EYS: variants seen among roughly 807,000 people sequenced by gnomAD.
EYS encodes the protein EGF-like photoreceptor maintenance factor.
Under a neutral mutation model 282.1 loss-of-function variants are expected in EYS, and 250 were observed. The observed-to-expected ratio is 0.89, with a 90% CI of 0.80 to 0.98. The LOEUF (loss-of-function observed/expected upper bound fraction) is 0.98, where lower values mean the gene tolerates loss of function less well. Ranked by LOEUF, EYS falls within the 50% of genes least tolerant of loss-of-function variation. The pLI, the probability that EYS is intolerant of heterozygous loss-of-function variation, is 0.00. For missense variants in EYS, 4,016 were observed against 3,709.0 expected (o/e 1.08, Z -2.15); for synonymous variants, 1,355 against 1,282.9 (o/e 1.06, Z -1.20).
chr6:65,100,462 C>T (rs1171038565), intron 12 of EYS, among the ~76,000 whole-genome samples: 8 of 150,370 alleles, frequency 5.3e-5, no homozygotes, highest in African/African-American at 1.9e-4. Context: ...GAATCTGTGC[C>T]ACATATTGCT....
intron 24 of EYS, among the ~76,000 whole-genome samples, chr6:64,597,811 T>C (rs1478848993): frequency 6.6e-6 from 1 of 152,204 alleles, no homozygotes; most frequent in Non-Finnish European, 1.5e-5. Flanking sequence ...TTCATCATTA[T>C]GCCATATAGA....
At chr6:64,628,120 G>A (rs1362694554) in intron 22 of EYS, among the ~76,000 whole-genome samples, 4 of 151,730 alleles carry the variant, frequency 2.6e-5, no homozygotes, top group African/African-American at 4.8e-5. Context: ...ACAAAGACTT[G>A]TTTTAACTGT....
chr6:64,013,742 G>A (rs550920820), intron 33 of EYS, among the ~76,000 whole-genome samples: 1 of 151,896 alleles, frequency 6.6e-6, no homozygotes, highest in East Asian at 1.9e-4. Context: ...TAGCATTTAA[G>A]TATTCACTTA....
At chr6:65,558,682 G>T (rs1768913558) in intron 2 of EYS, among the ~76,000 whole-genome samples, 1 of 152,284 alleles carries the variant, frequency 6.6e-6, no homozygotes, top group East Asian at 1.9e-4. Flanking sequence ...CACAACTTCG[G>T]ATATAGCAAA....
chr6:64,316,095 A>G lies in EYS; in HGVS notation c.6079-9013T>C, dbSNP rs1230059957. ...AAATAATAAGAGCAATTAATGACAA[A>G]CTTACAGCCAATATCATACTGAATG... is the stretch of plus-strand genomic sequence containing the variant. On this transcript the variant is annotated intron_variant, in intron 29 of 42. Coordinates refer to ENST00000503581, the MANE Select transcript of EYS (RefSeq NM_001142800.2). Among the ~76,000 whole-genome samples, 5 of 152,178 alleles carry G rather than the reference A, an allele frequency of 3.3e-5. No individual in the cohort carries two copies. In the East Asian group the frequency reaches 9.6e-4, roughly 29 times the overall value.
chr6:63,934,182 A>G (rs1396618387), intron 35 of EYS, among the ~76,000 whole-genome samples: 1 of 152,222 alleles, frequency 6.6e-6, no homozygotes, highest in East Asian at 1.9e-4. Context: ...GAGAAATGCA[A>G]ATCAAAATCA....
chr6:64,853,902 A>G (rs565911598), intron 19 of EYS, among the ~76,000 whole-genome samples: 1 of 152,202 alleles, frequency 6.6e-6, no homozygotes, highest in South Asian at 2.1e-4. Flanking sequence ...CAAATTTACA[A>G]GAAAAAAACA....
At chr6:63,852,538 A>C (rs1383335996) in intron 36 of EYS, among the ~76,000 whole-genome samples, 1 of 152,212 alleles carries the variant, frequency 6.6e-6, no homozygotes, top group Non-Finnish European at 1.5e-5. Flanking sequence ...TTCACAGCTG[A>C]ATTCTACCAG....
At chr6:64,893,534 C>CA (rs887269155) in intron 18 of EYS, among the ~76,000 whole-genome samples, 93 of 151,282 alleles carry the variant, frequency 6.1e-4, no homozygotes, top group Non-Finnish European at 9.7e-4. Flanking sequence ...TTAAGTTTTT[C>CA]AAAAAAATAA....
intron 31 of EYS, among the ~76,000 whole-genome samples, chr6:64,205,376 T>C (rs1457637636): frequency 6.6e-6 from 1 of 152,182 alleles, no homozygotes; most frequent in African/African-American, 2.4e-5. Flanking sequence ...CACACAACAT[T>C]ACAATTTCTT....
chr6:64,654,490 A>C (rs944076645), intron 22 of EYS, among the ~76,000 whole-genome samples: 1 of 152,186 alleles, frequency 6.6e-6, no homozygotes, highest in African/African-American at 2.4e-5. Flanking sequence ...AGGTGAGAAA[A>C]TGCCCTCTGA....
chr6:65,588,185 A>T (rs1460384731), intron 2 of EYS, among the ~76,000 whole-genome samples: 2 of 152,054 alleles, frequency 1.3e-5, no homozygotes, highest in Non-Finnish European at 2.9e-5. Flanking sequence ...TCACTGAATA[A>T]ATTCTCTTGC....
intron 11 of EYS, among the ~76,000 whole-genome samples, chr6:65,306,859 A>AAAG (rs1769023966): frequency 1.4e-5 from 2 of 142,398 alleles, no homozygotes; most frequent in Non-Finnish European, 3.1e-5. Context: ...AAAAAAAAAA[A>AAAG]AAAGAAAGTC....
intron 22 of EYS, among the ~76,000 whole-genome samples, chr6:64,661,452 C>G (rs1383743335): frequency 6.6e-6 from 1 of 152,080 alleles, no homozygotes; most frequent in South Asian, 2.1e-4. Flanking sequence ...GAACAGGAAA[C>G]CTACAGAATG....
intron 15 of EYS, among the ~76,000 whole-genome samples, chr6:64,940,273 A>G (rs571524847): frequency 3.5e-4 from 53 of 151,784 alleles, no homozygotes; most frequent in Middle Eastern, 3.4e-3. Flanking sequence ...AACTTTTGCA[A>G]CCCTAGGTGT....
chr6:65,544,535 G>C (rs780611043), intron 2 of EYS, among the ~76,000 whole-genome samples: 2 of 152,076 alleles, frequency 1.3e-5, no homozygotes, highest in East Asian at 3.9e-4. Flanking sequence ...ACTTCTCCTT[G>C]CTGTCACCAT....
chr6:65,090,436 C>G (rs572311610), intron 12 of EYS, among the ~76,000 whole-genome samples: 1 of 152,182 alleles, frequency 6.6e-6, no homozygotes, highest in Admixed American at 6.5e-5. Context: ...TTATAAATTA[C>G]CCAGTCTTGG....
At chr6:63,765,564 G>A (rs1186272599) in intron 40 of EYS, among the ~76,000 whole-genome samples, 1 of 151,712 alleles carries the variant, frequency 6.6e-6, no homozygotes, top group Non-Finnish European at 1.5e-5. Context: ...ACATGTTTTG[G>A]TATAGGCAGG....
chr6:65,014,216 G>A (rs1007210821), intron 13 of EYS, among the ~76,000 whole-genome samples: 18 of 152,274 alleles, frequency 1.2e-4, no homozygotes, highest in African/African-American at 4.3e-4. Flanking sequence ...TTTACCAACA[G>A]CCAGTGAGCT....
Sources: allele counts gnomAD v4.1 joint callset (sites outside exome capture counted in the v4.1 genomes callset), GRCh38; gene constraint gnomAD v4.1.1; transcripts MANE v1.5; gene names NCBI Gene and HGNC (gene_info 2026-07-23, HGNC 2026-07-21).